CCN6: variants seen among roughly 807,000 people sequenced by gnomAD.
CCN6 encodes cellular communication network factor 6.
A neutral mutation model predicts 37.4 loss-of-function variants in CCN6; 31 were observed. That is an observed-to-expected ratio of 0.83 (90% CI 0.62 to 1.12). The LOEUF (loss-of-function observed/expected upper bound fraction) is 1.12. Ranked by LOEUF, CCN6 falls within the 50% of genes most tolerant of loss-of-function variation. The probability of loss-of-function intolerance (pLI) is 0.00; values close to 1 mark genes in which losing one functional copy is unlikely to be tolerated. For synonymous variants in CCN6, 137 were observed against 142.1 expected (o/e 0.96, Z 0.26); for missense variants, 369 against 413.8 (o/e 0.89, Z 0.94).
chr6:112,065,772 A>G (rs1175347497), intron 3 of CCN6, among the ~76,000 whole-genome samples: 3 of 152,194 alleles, frequency 2.0e-5, no homozygotes, highest in Non-Finnish European at 2.9e-5. Context: ...GCTTAAGTAT[A>G]CTTATAAACC....
chr6:112,068,393 ATAAAGG>A lies in CCN6; in HGVS notation c.783+1_783+6del. ...TTGCGACAGCAATATATTAAAGACA[ATAAAGG>A]TAAAGTTTAAATATATTTAACTTAA... On this transcript the variant is annotated splice_donor_variant and coding_sequence_variant, in exon 4 of 5. Transcript: ENST00000368666. LOFTEE classifies it high-confidence loss of function. The A allele has an allele frequency of 6.2e-7, 1 of 1,608,530 alleles. No individual in the cohort carries two copies. The highest frequency in any genetic ancestry group is 1.1e-5 in the South Asian group (1 of 90,276).
At chr6:112,060,963 C>T (rs1423500993) in intron 1 of CCN6, 28 bp from the exon 2 acceptor site, 1 of 1,613,202 alleles carries the variant, frequency 6.2e-7, no homozygotes, top group Admixed American at 1.7e-5. Flanking sequence ...GAAGCTATTT[C>T]TAACATCACC....
At position 112,061,082 on chromosome 6, in the gene CCN6, T is replaced by C; in HGVS notation, c.140T>C (p.Phe47Ser). ...TCAGATGCACCTCAGCGTAAACAGT[T>C]TTGTCACTGGCCCTGCAAATGCCCT... Reference protein sequence around the residue: ...EVSDAPQRKQFCHWPCKCPQQ... With the variant: ...EVSDAPQRKQSCHWPCKCPQQ... Residue 47 changes from phenylalanine (F) to serine (S), a missense_variant, in exon 2 of 5, where the codon TTT becomes TCT. Physicochemically the swap from Phe to Ser is radical, Grantham distance 155. Transcript: ENST00000368666. 1.2e-6 allele frequency: 2 copies of C among 1,614,156 alleles called. No individual in the cohort carries two copies. The highest frequency in any genetic ancestry group is 1.7e-6 in the Non-Finnish European group (2 of 1,180,024).
Position 112,064,866 on chromosome 6 carries a change from C to A in CCN6, c.458C>A (p.Thr153Lys). 1 of 1,614,116 alleles carries A rather than the reference C, an allele frequency of 6.2e-7. No individual in the cohort carries two copies. The highest frequency in any genetic ancestry group is 8.5e-7 in the Non-Finnish European group (1 of 1,179,976). ...TGTGTGAGTGGGGCCATTGGATGCA[C>A]ACCTCTGTTCATACCAAAGCTGGCT... ...CLCVSGAIGC[T>K]PLFIPKLAGS... Residue 153 changes from threonine to lysine, a missense_variant, in exon 3 of 5, where the codon ACA becomes AAA. Coordinates refer to ENST00000368666, the MANE Select transcript of CCN6 (RefSeq NM_198239.2).
chr6:112,053,481 T>G (rs1395145470), upstream of CCN6, among the ~76,000 whole-genome samples: 1 of 151,706 alleles, frequency 6.6e-6, no homozygotes, highest in Non-Finnish European at 1.5e-5. Flanking sequence ...GTCTTTTTTT[T>G]TTTTTAGCAG....
At chr6:112,053,865 T>G (rs3806965), upstream of CCN6, among the ~76,000 whole-genome samples, 50,351 of 101,928 alleles carry the variant, frequency 0.49, 9,017 homozygotes, top group East Asian at 0.58. Flanking sequence ...GTGCTGTTGG[T>G]GGGGGGGCCA....
upstream of CCN6, among the ~76,000 whole-genome samples, chr6:112,052,952 G>C (rs1029988843): frequency 3.2e-4 from 49 of 152,208 alleles, no homozygotes; most frequent in African/African-American, 1.1e-3. Context: ...CCTAAGCGAG[G>C]CTTGATGTTG....
At chr6:112,053,460 C>T (rs587710580), upstream of CCN6, among the ~76,000 whole-genome samples, 2 of 151,272 alleles carry the variant, frequency 1.3e-5, no homozygotes, top group South Asian at 4.2e-4. Context: ...CCACACCTGG[C>T]TAATTTTTGT....
At chr6:112,064,722 T>C in intron 2 of CCN6, 33 bp from the exon 3 acceptor site, 1 of 1,613,768 alleles carries the variant, frequency 6.2e-7, no homozygotes, top group Non-Finnish European at 8.5e-7. Flanking sequence ...AGATCATGGC[T>C]TCTTTGGCAA....
chr6:112,054,273 G>A lies in CCN6; in HGVS notation c.-85G>A, dbSNP rs782188127. 1.2e-6 allele frequency: 2 copies of A among 1,601,086 alleles called. No individual in the cohort carries two copies. Among genetic ancestry groups the A allele is most frequent in the Non-Finnish European group, 1.7e-6 (2 of 1,168,196 alleles). Reference sequence around the variant, plus strand: ...TGCAGAGGAGCGTGGGGTTTGCAGAGGAGACAGGGGAGCTTTGTGTACCCG... The same window carrying A: ...TGCAGAGGAGCGTGGGGTTTGCAGAAGAGACAGGGGAGCTTTGTGTACCCG... On this transcript the variant is annotated 5_prime_UTR_variant, in exon 1 of 5. Transcript: ENST00000368666.
rs151277297 is a variant in CCN6 at position 112,054,329 on chromosome 6, C to T, written c.-29C>T. On this transcript the variant is annotated 5_prime_UTR_variant, in exon 1 of 5. Coordinates refer to ENST00000368666, the MANE Select transcript of CCN6 (RefSeq NM_198239.2). ...ATGAACAAGCGGCGACTTCTCTACC[C>T]CTCAGGGTGGCTCCACGGTCCCAGC... 2 of 1,613,868 alleles carry T rather than the reference C, an allele frequency of 1.2e-6. No individual in the cohort carries two copies. The highest frequency in any genetic ancestry group is 1.7e-6 in the Non-Finnish European group (2 of 1,179,986).
intron 1 of CCN6, 49 bp downstream of exon 1, chr6:112,054,454 T>G (rs1562592158): frequency 6.3e-7 from 1 of 1,582,106 alleles, no homozygotes; most frequent in Non-Finnish European, 8.7e-7. Flanking sequence ...ATGGCCATCC[T>G]TAGTTCTTCA....
rs74945170 is a variant in CCN6, at chr6:112,058,587, C to T, written c.49-2404C>T. 1.7e-3 allele frequency among the ~76,000 whole-genome samples: 260 copies of T among 152,240 alleles called. 4 individuals are homozygous for T. Among genetic ancestry groups the T allele is most frequent in the African/African-American group, 6.1e-3 (254 of 41,536 alleles). On this transcript the variant is annotated intron_variant, in intron 1 of 4. Coordinates refer to ENST00000368666, the MANE Select transcript of CCN6 (RefSeq NM_198239.2). The stretch of plus-strand genomic sequence containing the variant: ...GTGCAAGGCAGGGAAGTTATAGGAA[C>T]CTTTCTGGAAAAGATGATACTGAAA...
chr6:112,063,399 G>A (rs1457555775), intron 2 of CCN6, among the ~76,000 whole-genome samples: 7 of 152,256 alleles, frequency 4.6e-5, no homozygotes, highest in African/African-American at 1.4e-4. Context: ...GTCTATCCAA[G>A]ACCCATTTGG....
intron 1 of CCN6, among the ~76,000 whole-genome samples, chr6:112,060,764 T>C (rs782644668): frequency 9.9e-5 from 15 of 152,012 alleles, no homozygotes; most frequent in Non-Finnish European, 1.8e-4. Flanking sequence ...CAGTCAGTGA[T>C]AAAGGAGGAG....
chr6:112,069,295 G>A, intron 4 of CCN6, 44 bp from the exon 5 acceptor site: 1 of 1,587,722 alleles, frequency 6.3e-7, no homozygotes, highest in African/African-American at 1.3e-5. Flanking sequence ...CAAAACTATT[G>A]TAATAAAATT....
chr6:112,063,025 CAT>C (rs1463425684), intron 2 of CCN6, among the ~76,000 whole-genome samples: 29 of 152,204 alleles, frequency 1.9e-4, no homozygotes, highest in African/African-American at 7.0e-4. Flanking sequence ...TATGAAAAAA[CAT>C]GTAACTTATT....
In CCN6 at chr6:112,064,771, G is replaced by A. The variant is rs587683089; in HGVS notation, c.363G>A (p.Gly121=). ...TGVCAYLVAV[G]CEFNQVHYHN... ...TCTTTTCAGACCTTGTAGCTGTTGGGTGCGAGTTCAACCAGGTACATTATC... is the reference window on the plus strand; with the variant it reads ...TCTTTTCAGACCTTGTAGCTGTTGGATGCGAGTTCAACCAGGTACATTATC... Residue 121 remains glycine (G), a synonymous_variant, in exon 3 of 5, where the codon GGG becomes GGA. Coordinates refer to ENST00000368666, the MANE Select transcript of CCN6 (RefSeq NM_198239.2). The A allele has an allele frequency of 7.4e-6, 12 of 1,613,978 alleles. No individual in the cohort carries two copies. The Admixed American group carries it at 1.0e-4, about 13-fold the overall frequency.
chr6:112,054,511 TG>T, intron 1 of CCN6, 106 bp downstream of exon 1: 1 of 1,091,212 alleles, frequency 9.2e-7, no homozygotes, highest in Non-Finnish European at 1.4e-6. Context: ...GGAGGATCAA[TG>T]GCTTGTGGAA....
Sources: allele counts gnomAD v4.1 joint callset (sites outside exome capture counted in the v4.1 genomes callset), GRCh38; gene constraint gnomAD v4.1.1; transcripts MANE v1.5; gene names NCBI Gene and HGNC (gene_info 2026-07-23, HGNC 2026-07-21).